Variants in EXOC6B observed in about 807,000 individuals in gnomAD.
EXOC6B encodes the protein SEC15 homolog B.
EXOC6B carries 54 observed loss-of-function variants against 113.5 expected under a neutral mutation model. The observed-to-expected ratio is 0.48, with a 90% confidence interval of 0.38 to 0.60. The LOEUF is 0.60. Among genes scored for constraint, EXOC6B ranks in the 20% least tolerant of loss-of-function variants. The probability of loss-of-function intolerance (pLI) is 0.00; values close to 1 mark genes in which losing one functional copy is unlikely to be tolerated. For missense variants in EXOC6B, 797 were observed against 977.5 expected (o/e 0.82, Z 2.46); for synonymous variants, 357 against 339.0 (o/e 1.05, Z -0.58).
chr2:72,376,843 G>A (rs760914399), intron 19 of EXOC6B, among the ~76,000 whole-genome samples: 83 of 151,938 alleles, frequency 5.5e-4, no homozygotes, highest in Non-Finnish European at 7.8e-4. Context: ...GCTTGAGAGC[G>A]TGGAATTGTT....
intron 19 of EXOC6B, among the ~76,000 whole-genome samples, chr2:72,358,245 G>T (rs1690089705): frequency 6.6e-6 from 1 of 151,874 alleles, no homozygotes; most frequent in South Asian, 2.1e-4. Context: ...ACTCTCCACA[G>T]ACATAAAGCT....
rs2105580594 is a variant in EXOC6B at position 72,498,488 on chromosome 2, C to T, written c.1303G>A (p.Glu435Lys). The T allele has an allele frequency of 6.2e-7, 1 of 1,611,644 alleles. No homozygotes were observed. Among genetic ancestry groups the T allele is most frequent in the Non-Finnish European group, 8.5e-7 (1 of 1,178,974 alleles). The change falls in exon 13 of 22, where the codon GAA becomes AAA. Residue 435 changes from glutamate (E) to lysine (K), a missense_variant. Transcript: ENST00000272427. ...MLLEIRDQYS[E>K]TLLKKWAGIF... ...CCTGCCCACTTCTTTAGCAGAGTTT[C>T]ACTATATTGGTCTCTGATTTCTAAC...
At position 72,406,600 on chromosome 2, in the gene EXOC6B, A is replaced by G. The variant is rs145259743; in HGVS notation, c.1981-26730T>C. 4.2e-3 allele frequency among the ~76,000 whole-genome samples: 638 copies of G among 152,352 alleles called. 7 individuals are homozygous for G. Among genetic ancestry groups the G allele is most frequent in the African/African-American group, 0.015 (616 of 41,578 alleles). On this transcript the variant is annotated intron_variant, in intron 18 of 21. Coordinates refer to ENST00000272427, the MANE Select transcript of EXOC6B (RefSeq NM_015189.3). ...AAACTGAACAACCTGCTCCTGATTGACTACTGGGTACATAACGAAATGAAG... is the reference window on the plus strand; with the variant it reads ...AAACTGAACAACCTGCTCCTGATTGGCTACTGGGTACATAACGAAATGAAG...
chr2:72,487,186 A>T (rs1034514239), intron 16 of EXOC6B, among the ~76,000 whole-genome samples: 1 of 152,200 alleles, frequency 6.6e-6, no homozygotes, highest in Non-Finnish European at 1.5e-5. Context: ...ATTGAACGCC[A>T]TACTTTATTC....
chr2:72,197,371 C>T (rs567665396), intron 20 of EXOC6B, among the ~76,000 whole-genome samples: 3 of 152,218 alleles, frequency 2.0e-5, no homozygotes, highest in African/African-American at 7.2e-5. Context: ...TTTCGAGCCT[C>T]TGTCAAGGGC....
In EXOC6B at chr2:72,600,573, T is replaced by C. The variant is rs561905234; in HGVS notation, c.670-24905A>G. Among the ~76,000 whole-genome samples the C allele has an allele frequency of 2.6e-5, 4 of 152,166 alleles. No homozygotes were observed. The East Asian group carries it at 7.7e-4, about 29-fold the overall frequency. On this transcript the variant is annotated intron_variant, in intron 6 of 21. Transcript: ENST00000272427. ...CCCACACAAACAGAGTCAACTGATC[T>C]TTGACTAGAAAATGAAGAAAATCCA... is the stretch of plus-strand genomic sequence containing the variant.
chr2:72,329,250 C>T (rs906905002), intron 20 of EXOC6B, among the ~76,000 whole-genome samples: 1 of 152,024 alleles, frequency 6.6e-6, no homozygotes, highest in Non-Finnish European at 1.5e-5. Flanking sequence ...AGTTATATTC[C>T]AGCAAGTTCA....
chr2:72,757,442 GATAAGAC>G (rs1231607511), intron 1 of EXOC6B, among the ~76,000 whole-genome samples: 1 of 152,174 alleles, frequency 6.6e-6, no homozygotes, highest in Non-Finnish European at 1.5e-5. Flanking sequence ...CAGTATTTCA[GATAAGAC>G]ATTCAGACCT....
rs543365853 is a variant in EXOC6B, at chr2:72,653,992, C to T, written c.669+64111G>A. 1.1e-4 allele frequency among the ~76,000 whole-genome samples: 15 copies of T among 139,740 alleles called. No homozygotes were observed. In the South Asian group the frequency reaches 2.7e-3, roughly 25 times the overall value. The allele number at this position is 139,740 out of a possible 152,430, so 91.7% of individuals were successfully genotyped here. A position where few individuals can be genotyped will look rare whatever the true frequency, so the allele number is the denominator to read the frequency against. On this transcript the variant is annotated intron_variant, in intron 6 of 21. Transcript: ENST00000272427. ...TTTATTTTTTTTTTTTTTTTTGAGACGGAGTCTTACTCTGTCGCCCAGGCT... is the reference window on the plus strand; with the variant it reads ...TTTATTTTTTTTTTTTTTTTTGAGATGGAGTCTTACTCTGTCGCCCAGGCT...
Position 72,404,016 on chromosome 2 carries a change from C to T in EXOC6B, c.1981-24146G>A, listed in dbSNP as rs542132577. The stretch of plus-strand genomic sequence containing the variant: ...AAATCAGGTCACTCCCACCCTAATA[C>T]TGCGATTTTCCAAGGGTCTTAGCAA... On this transcript the variant is annotated intron_variant, in intron 18 of 21. Transcript: ENST00000272427. Among the ~76,000 whole-genome samples the T allele has an allele frequency of 1.7e-4, 26 of 152,328 alleles. 1 individual carries two copies. The South Asian group carries it at 4.8e-3, about 28-fold the overall frequency.
intron 20 of EXOC6B, among the ~76,000 whole-genome samples, chr2:72,265,038 A>G (rs1422401785): frequency 1.3e-5 from 2 of 151,888 alleles, no homozygotes; most frequent in African/African-American, 4.8e-5. Flanking sequence ...GAACTAGGTA[A>G]CAAGCAGAGG....
intron 5 of EXOC6B, among the ~76,000 whole-genome samples, chr2:72,719,706 A>G (rs1488007231): frequency 2.6e-5 from 4 of 152,230 alleles, no homozygotes; most frequent in African/African-American, 9.6e-5. Flanking sequence ...TTAAAAATCA[A>G]AGTGAAATAT....
intron 18 of EXOC6B, among the ~76,000 whole-genome samples, chr2:72,437,372 G>A (rs1049011827): frequency 4.9e-4 from 74 of 152,248 alleles, no homozygotes; most frequent in African/African-American, 1.6e-3. Flanking sequence ...GAAGGCATGG[G>A]GGTCAGGGAC....
intron 20 of EXOC6B, among the ~76,000 whole-genome samples, chr2:72,256,351 C>T (rs1007783670): frequency 5.3e-5 from 8 of 152,248 alleles, no homozygotes; most frequent in African/African-American, 1.9e-4. Flanking sequence ...GCAATGAAGA[C>T]ACTATCAAAT....
chr2:72,388,052 A>G (rs1333637225), intron 18 of EXOC6B, among the ~76,000 whole-genome samples: 1 of 152,132 alleles, frequency 6.6e-6, no homozygotes, highest in Non-Finnish European at 1.5e-5. Context: ...GGTTGTCACA[A>G]CTGGCAGGAG....
chr2:72,681,366 A>G (rs1373191004), intron 6 of EXOC6B, among the ~76,000 whole-genome samples: 1 of 152,154 alleles, frequency 6.6e-6, no homozygotes, highest in African/African-American at 2.4e-5. Flanking sequence ...CATGCCTCCA[A>G]TATGGTATCA....
At chr2:72,605,596 C>T (rs1275870473) in intron 6 of EXOC6B, among the ~76,000 whole-genome samples, 1 of 152,100 alleles carries the variant, frequency 6.6e-6, no homozygotes, top group East Asian at 1.9e-4. Context: ...TAAGAAGAAA[C>T]CTTTATTCTT....
intron 18 of EXOC6B, among the ~76,000 whole-genome samples, chr2:72,397,159 C>T (rs1045995743): frequency 5.9e-5 from 9 of 152,054 alleles, no homozygotes; most frequent in African/African-American, 2.2e-4. Context: ...GTCTCTTTCT[C>T]CTCTTCCTTC....
chr2:72,687,450 T>C (rs1294352989), intron 6 of EXOC6B, among the ~76,000 whole-genome samples: 2 of 151,990 alleles, frequency 1.3e-5, no homozygotes, highest in Non-Finnish European at 2.9e-5. Flanking sequence ...CCTCAAAACT[T>C]GACTAAAACA....
Sources: gnomAD v4.1 joint callset for allele counts (sites outside exome capture counted in the v4.1 genomes callset) on GRCh38, gnomAD v4.1.1 for gene constraint, MANE v1.5 for transcripts, NCBI Gene and HGNC (gene_info 2026-07-23, HGNC 2026-07-21) for gene names.